The following HGF variants were observed in gnomAD, a reference collection of about 807,000 sequenced individuals.
HGF encodes the protein fibroblast-derived tumor cytotoxic factor.
Under a neutral mutation model 111.6 loss-of-function variants are expected in HGF, and 39 were observed. The observed-to-expected ratio is 0.35, with a 90% CI of 0.27 to 0.46. HGF has a LOEUF of 0.46. Among genes scored for constraint, HGF ranks in the 20% least tolerant of loss-of-function variants. The pLI is 1.00. For synonymous variants in HGF, 285 were observed against 294.8 expected (o/e 0.97, Z 0.34); for missense variants, 735 against 910.5 (o/e 0.81, Z 2.48).
intron 1 of HGF, among the ~76,000 whole-genome samples, chr7:81,769,374 C>CA (rs1183402715): frequency 6.6e-6 from 1 of 152,176 alleles, no homozygotes; most frequent in Admixed American, 6.5e-5. Context: ...TGCAAATACT[C>CA]AGAGTTTATT....
intron 2 of HGF, among the ~76,000 whole-genome samples, chr7:81,759,564 G>C (rs1562907699): frequency 2.0e-5 from 3 of 152,094 alleles, no homozygotes; most frequent in African/African-American, 7.2e-5. Context: ...GAGTGCAGTG[G>C]TGTGATCTCG....
chr7:81,758,671 A>G (rs776590429), intron 3 of HGF, 21 bp downstream of exon 3: 1 of 1,298,920 alleles, frequency 7.7e-7, no homozygotes, highest in Non-Finnish European at 1.1e-6. Flanking sequence ...ATTATGCAAT[A>G]TTTAGGGAGA....
chr7:81,730,302 A>C (rs1055162158), intron 7 of HGF, among the ~76,000 whole-genome samples: 1 of 152,066 alleles, frequency 6.6e-6, no homozygotes, highest in Non-Finnish European at 1.5e-5. Flanking sequence ...TACAAAAAAA[A>C]TTAGCCAGGA....
chr7:81,741,745 C>A (rs989148294), intron 7 of HGF, among the ~76,000 whole-genome samples: 5 of 151,680 alleles, frequency 3.3e-5, no homozygotes, highest in African/African-American at 1.2e-4. Context: ...TCGAGACCAG[C>A]CTGACCAACA....
At chr7:81,751,080 A>T (rs1788476527) in intron 5 of HGF, 1 of 981,456 alleles carries the variant, frequency 1.0e-6, no homozygotes, top group Middle Eastern at 5.2e-4. Flanking sequence ...CTCTGTGACA[A>T]TTAGCTAACA....
At position 81,769,942 on chromosome 7, in the gene HGF, C is replaced by T; in HGVS notation, c.30G>A (p.Leu10=). 6.4e-7 allele frequency: 1 copy of T among 1,561,762 alleles called. No homozygotes were observed. The highest frequency in any genetic ancestry group is 8.7e-7 in the Non-Finnish European group (1 of 1,152,406). MWVTKLLPA[L]LLQHVLLHLL... ...GATGCAGGAGGACATGCTGCAGCAG[C>T]AGGGCTGGCAGGAGTTTGGTCACCC... The change falls in exon 1 of 18, where the codon CTG becomes CTA. Residue 10 remains leucine, a synonymous_variant. Coordinates refer to ENST00000222390, the MANE Select transcript of HGF (RefSeq NM_000601.6).
chr7:81,715,979 CAT>C (rs1008310957), intron 11 of HGF, among the ~76,000 whole-genome samples: 1 of 152,096 alleles, frequency 6.6e-6, no homozygotes, highest in African/African-American at 2.4e-5. Context: ...TCGTTGTAAA[CAT>C]AGAGTTACAG....
chr7:81,707,325 AC>A lies in HGF; in HGVS notation c.1580del (p.Ser527IlefsTer15). 1 of 1,603,178 alleles carries A rather than the reference AC, an allele frequency of 6.2e-7. No homozygotes were observed. Among genetic ancestry groups the A allele is most frequent in the Non-Finnish European group, 8.5e-7 (1 of 1,170,664 alleles). ...AACACTGTCGTGCAGTAAGAACCCA[AC>A]TCTCCTTTATCAATGATCCTCCGCA... ...HICGGSLIKESWVLTARQCFP... is the reference protein window; with the variant it reads ...HICGGSLIKEXWVLTARQCFP... On this transcript the variant is annotated frameshift_variant, in exon 14 of 18. Coordinates refer to ENST00000222390, the MANE Select transcript of HGF (RefSeq NM_000601.6). LOFTEE classifies it high-confidence loss of function.
chr7:81,702,774 C>G lies in HGF; in HGVS notation c.2011-17G>C, dbSNP rs1374423852. 5 of 1,603,208 alleles carry G rather than the reference C, an allele frequency of 3.1e-6. No homozygotes were observed. The highest frequency in any genetic ancestry group is 4.3e-6 in the Non-Finnish European group (5 of 1,171,596). ...ATAATCCCCCTAGGAGTAAGACATA[C>G]AAAAACAAAGTATTATTAGGAATTA... On this transcript the variant is annotated splice_polypyrimidine_tract_variant and intron_variant, in intron 17 of 17. Coordinates refer to ENST00000222390, the MANE Select transcript of HGF (RefSeq NM_000601.6).
At chr7:81,711,336 T>C (rs1789564650) in intron 12 of HGF, 145 bp downstream of exon 12, 1 of 453,090 alleles carries the variant, frequency 2.2e-6, no homozygotes, top group South Asian at 5.1e-5. Flanking sequence ...CATAGAAAAA[T>C]ATATTTTAAA....
rs954931133 is a variant in HGF at position 81,748,235 on chromosome 7, C to T, written c.626-3115G>A. ...AACTTTAGAAAGTTGGTATCCCTAC[C>T]CTTTTCAACATTGTCCTCATTGCCC... is the stretch of plus-strand genomic sequence containing the variant. On this transcript the variant is annotated intron_variant, in intron 5 of 17. Transcript: ENST00000222390. Among the ~76,000 whole-genome samples, 5 of 152,180 alleles carry T rather than the reference C, an allele frequency of 3.3e-5. No individual in the cohort carries two copies. In the South Asian group the frequency reaches 1.0e-3, roughly 32 times the overall value.
At chr7:81,762,656 A>G in intron 2 of HGF, 51 bp downstream of exon 2, 1 of 1,226,986 alleles carries the variant, frequency 8.2e-7, no homozygotes, top group Non-Finnish European at 1.2e-6. Flanking sequence ...ATTATAATAC[A>G]TGCATGCTAT....
intron 12 of HGF, among the ~76,000 whole-genome samples, chr7:81,710,462 A>G (rs1789544222): frequency 6.6e-6 from 1 of 152,166 alleles, no homozygotes; most frequent in African/African-American, 2.4e-5. Context: ...TCAGAAAAAC[A>G]AATAAACTCA....
intron 5 of HGF, among the ~76,000 whole-genome samples, 167 bp from the exon 6 acceptor site, chr7:81,745,287 C>T (rs1204857222): frequency 6.6e-6 from 1 of 152,170 alleles, no homozygotes; most frequent in Admixed American, 6.5e-5. Context: ...GTGACATAAA[C>T]TACTCCCTAT....
intron 5 of HGF, among the ~76,000 whole-genome samples, chr7:81,749,288 TG>T (rs1319233183): frequency 3.3e-5 from 5 of 152,158 alleles, no homozygotes; most frequent in African/African-American, 4.8e-5. Context: ...CTTGATCATT[TG>T]ACAATCATTA....
chr7:81,711,677 T>C (rs2115807496), intron 11 of HGF, among the ~76,000 whole-genome samples, 158 bp from the exon 12 acceptor site: 1 of 152,270 alleles, frequency 6.6e-6, no homozygotes, highest in Admixed American at 6.5e-5. Context: ...AGAGTCTCAT[T>C]CTGTCACCCA....
intron 1 of HGF, among the ~76,000 whole-genome samples, chr7:81,765,491 T>C (rs879409604): frequency 4.6e-5 from 7 of 152,094 alleles, no homozygotes; most frequent in Non-Finnish European, 1.0e-4. Flanking sequence ...GAAAAGCTTG[T>C]CTGGGGCTAC....
At chr7:81,705,841 G>A (rs1789410925) in intron 15 of HGF, 88 bp from the exon 16 acceptor site, 2 of 798,834 alleles carry the variant, frequency 2.5e-6, no homozygotes, top group Non-Finnish European at 4.3e-6. Context: ...GTTTAATATG[G>A]CATTTACAGA....
At chr7:81,760,341 C>T (rs966796727) in intron 2 of HGF, among the ~76,000 whole-genome samples, 2 of 152,140 alleles carry the variant, frequency 1.3e-5, no homozygotes, top group East Asian at 3.9e-4. Context: ...AGCTTAGAAT[C>T]AGGCATTCTT....
Sources: gnomAD v4.1 joint callset for allele counts (sites outside exome capture counted in the v4.1 genomes callset) on GRCh38, gnomAD v4.1.1 for gene constraint, MANE v1.5 for transcripts, NCBI Gene and HGNC (gene_info 2026-07-23, HGNC 2026-07-21) for gene names.